CACNA2D3: variants seen among roughly 807,000 people sequenced by gnomAD.
CACNA2D3 encodes voltage-dependent calcium channel subunit alpha-2/delta-3.
A neutral mutation model predicts 160.6 loss-of-function variants in CACNA2D3; 60 were observed. The ratio of observed to expected loss-of-function variants is 0.37; its 90% CI spans 0.30 to 0.46. The LOEUF is 0.46. CACNA2D3 is among the 20% of genes least tolerant of loss of function. The pLI is 1.00. For missense variants in CACNA2D3, 1,205 were observed against 1,365.0 expected (o/e 0.88, Z 1.85); for synonymous variants, 558 against 492.9 (o/e 1.13, Z -1.75).
chr3:54,180,100 CTTT>C (rs5849033), intron 2 of CACNA2D3, among the ~76,000 whole-genome samples: 2 of 127,814 alleles, frequency 1.6e-5, no homozygotes, highest in African/African-American at 3.0e-5. Context: ...TGTCTTTTGC[CTTT>C]TTTTTTTTTT....
At chr3:54,598,271 G>A (rs1424498431) in intron 9 of CACNA2D3, among the ~76,000 whole-genome samples, 2 of 114,488 alleles carry the variant, frequency 1.7e-5, no homozygotes, top group African/African-American at 3.4e-5. Flanking sequence ...TCATGCCACC[G>A]CACTCCAGCC....
chr3:54,936,458 T>C (rs1223642758), intron 27 of CACNA2D3, among the ~76,000 whole-genome samples: 3 of 152,160 alleles, frequency 2.0e-5, no homozygotes, highest in Non-Finnish European at 4.4e-5. Flanking sequence ...GGAAAGTTGA[T>C]TGTTAGTATC....
intron 2 of CACNA2D3, among the ~76,000 whole-genome samples, chr3:54,260,793 C>A (rs1702388288): frequency 6.6e-6 from 1 of 152,116 alleles, no homozygotes; most frequent in African/African-American, 2.4e-5. Flanking sequence ...CTTGAGTGCT[C>A]TTTCCCCACT....
At chr3:54,889,537 T>C (rs1700006085) in intron 24 of CACNA2D3, among the ~76,000 whole-genome samples, 1 of 152,102 alleles carries the variant, frequency 6.6e-6, no homozygotes, top group South Asian at 2.1e-4. Context: ...TCATGAGCTA[T>C]TGGGCAGACG....
chr3:54,678,283 T>C (rs1700278466), intron 11 of CACNA2D3, among the ~76,000 whole-genome samples: 1 of 152,168 alleles, frequency 6.6e-6, no homozygotes, highest in African/African-American at 2.4e-5. Context: ...GGTGATTGTA[T>C]GATTTGAGGT....
Position 54,736,120 on chromosome 3 carries a change from C to CATACAT in CACNA2D3, c.1168-16476_1168-16475insCATATA, listed in dbSNP as rs1559563814. On this transcript the variant is annotated intron_variant, in intron 11 of 37. Coordinates refer to ENST00000474759, the MANE Select transcript of CACNA2D3 (RefSeq NM_018398.3). ...ATATACATATATATGTATATATATA[C>CATACAT]ATATATATATGTATATATATACACA... is the stretch of plus-strand genomic sequence containing the variant. Among the ~76,000 whole-genome samples the CATACAT allele has an allele frequency of 1.1e-4, 5 of 46,006 alleles. 1 individual carries two copies. The Admixed American group carries it at 1.3e-3, about 12-fold the overall frequency. The allele number at this position is 46,006 out of a possible 152,430, so 30.2% of individuals were successfully genotyped here. A position where few individuals can be genotyped will look rare whatever the true frequency, so the allele number is the denominator to read the frequency against.
intron 11 of CACNA2D3, among the ~76,000 whole-genome samples, chr3:54,684,498 C>T (rs758696109): frequency 7.9e-5 from 12 of 152,194 alleles, no homozygotes; most frequent in Non-Finnish European, 1.2e-4. Context: ...AGCACATCAT[C>T]TGAAGTTACC....
At chr3:54,597,216 A>G (rs1702971326) in intron 9 of CACNA2D3, among the ~76,000 whole-genome samples, 1 of 152,016 alleles carries the variant, frequency 6.6e-6, no homozygotes, top group South Asian at 2.1e-4. Context: ...CTCTCTGTCT[A>G]CTAGCCAGTC....
intron 11 of CACNA2D3, among the ~76,000 whole-genome samples, chr3:54,726,746 C>G (rs1701284610): frequency 6.6e-6 from 1 of 152,178 alleles, no homozygotes; most frequent in African/African-American, 2.4e-5. Flanking sequence ...TCCCTTACAC[C>G]TTATACAAAA....
intron 4 of CACNA2D3, among the ~76,000 whole-genome samples, chr3:54,488,621 C>A (rs556422970): frequency 6.6e-6 from 1 of 152,096 alleles, no homozygotes; most frequent in Non-Finnish European, 1.5e-5. Context: ...CCTCAGGCCA[C>A]GGTAGGACAT....
intron 3 of CACNA2D3, among the ~76,000 whole-genome samples, chr3:54,333,067 A>C (rs1704300132): frequency 6.6e-6 from 1 of 152,168 alleles, no homozygotes; most frequent in Admixed American, 6.5e-5. Context: ...ATGTGGGACC[A>C]GTTGAAGGCA....
At chr3:55,043,786 CTG>C (rs1435177475) in intron 35 of CACNA2D3, among the ~76,000 whole-genome samples, 2 of 152,060 alleles carry the variant, frequency 1.3e-5, no homozygotes, top group African/African-American at 2.4e-5. Flanking sequence ...ACATTTAGGT[CTG>C]TGATTCATTT....
intron 17 of CACNA2D3, among the ~76,000 whole-genome samples, chr3:54,866,726 G>A (rs1034745500): frequency 2.0e-5 from 3 of 152,180 alleles, no homozygotes; most frequent in Non-Finnish European, 2.9e-5. Context: ...TGCTTCCAAA[G>A]TCAGTCTCTA....
chr3:55,013,688 G>A (rs1471945789), intron 34 of CACNA2D3, among the ~76,000 whole-genome samples: 8 of 152,036 alleles, frequency 5.3e-5, no homozygotes, highest in Non-Finnish European at 2.9e-5. Flanking sequence ...GGGGACTGTG[G>A]AAGCCCATTT....
chr3:54,463,552 C>T (rs1227466864), intron 4 of CACNA2D3, among the ~76,000 whole-genome samples: 1 of 152,156 alleles, frequency 6.6e-6, no homozygotes, highest in Admixed American at 6.5e-5. Context: ...ACCCTTTCTT[C>T]CAGTTGATCG....
At chr3:54,626,361 G>A (rs1699102115) in intron 9 of CACNA2D3, 2 of 1,559,630 alleles carry the variant, frequency 1.3e-6, no homozygotes, top group Admixed American at 3.9e-5. Flanking sequence ...GGGGCCTGCG[G>A]CGGAAGCAGC....
intron 3 of CACNA2D3, among the ~76,000 whole-genome samples, chr3:54,344,844 G>T (rs1419165476): frequency 6.6e-6 from 1 of 152,178 alleles, no homozygotes; most frequent in Non-Finnish European, 1.5e-5. Context: ...CACAGGATGA[G>T]ATAGGAGGTC....
At chr3:54,329,392 C>A (rs904217674) in intron 3 of CACNA2D3, among the ~76,000 whole-genome samples, 1 of 152,104 alleles carries the variant, frequency 6.6e-6, no homozygotes, top group Admixed American at 6.5e-5. Flanking sequence ...ATGGTATGGG[C>A]TACACCCCTT....
At chr3:54,187,928 T>G (rs922952139) in intron 2 of CACNA2D3, among the ~76,000 whole-genome samples, 3 of 152,032 alleles carry the variant, frequency 2.0e-5, no homozygotes, top group Non-Finnish European at 4.4e-5. Flanking sequence ...CCGTGGTCCG[T>G]GGTCCGGGGG....
Sources: allele counts gnomAD v4.1 joint callset (sites outside exome capture counted in the v4.1 genomes callset), GRCh38; gene constraint gnomAD v4.1.1; transcripts MANE v1.5; gene names NCBI Gene and HGNC (gene_info 2026-07-23, HGNC 2026-07-21).